Variants in KAZN observed in about 807,000 individuals in gnomAD.
The protein encoded by KAZN is kazrin.
Under a neutral mutation model 87.4 loss-of-function variants are expected in KAZN, and 40 were observed. The ratio of observed to expected loss-of-function variants is 0.46; its 90% CI spans 0.36 to 0.60. The LOEUF is 0.60. KAZN is among the 20% of genes least tolerant of loss of function. KAZN has a pLI of 0.00. For synonymous variants in KAZN, 466 were observed against 458.3 expected (o/e 1.02, Z -0.22); for missense variants, 898 against 1,073.9 (o/e 0.84, Z 2.29).
intron 2 of KAZN, among the ~76,000 whole-genome samples, chr1:14,526,318 A>T (rs917573904): frequency 6.6e-6 from 1 of 152,190 alleles, no homozygotes; most frequent in Non-Finnish European, 1.5e-5. Context: ...CTCCCTTTGC[A>T]GCAGAGTCTG....
At chr1:15,028,354 T>C (rs553175389) in intron 2 of KAZN, among the ~76,000 whole-genome samples, 1 of 152,160 alleles carries the variant, frequency 6.6e-6, no homozygotes, top group Non-Finnish European at 1.5e-5. Flanking sequence ...GGCCAGATGA[T>C]TGGGAAGTCA....
intron 1 of KAZN, among the ~76,000 whole-genome samples, chr1:14,705,402 C>T (rs10927510): frequency 0.66 from 100,513 of 152,044 alleles, 33,436 homozygotes; most frequent in East Asian, 0.74. Flanking sequence ...CTAGAACCAC[C>T]GTATGATCCA....
chr1:13,973,140 T>C (rs1642193625), intron 1 of KAZN, among the ~76,000 whole-genome samples: 1 of 152,088 alleles, frequency 6.6e-6, no homozygotes, highest in South Asian at 2.1e-4. Flanking sequence ...ATTATCAACA[T>C]CTATAAAACA....
intron 1 of KAZN, among the ~76,000 whole-genome samples, chr1:14,084,891 C>T (rs189269394): frequency 2.1e-4 from 32 of 151,900 alleles, no homozygotes; most frequent in Non-Finnish European, 2.9e-4. Flanking sequence ...AAAAAAAGTA[C>T]GTGTGTGTGT....
chr1:14,601,870 G>A (rs951209199), intron 1 of KAZN, among the ~76,000 whole-genome samples: 5 of 152,178 alleles, frequency 3.3e-5, no homozygotes, highest in African/African-American at 7.2e-5. Flanking sequence ...ATCTTTTAAC[G>A]AAAGGGCATT....
intron 2 of KAZN, among the ~76,000 whole-genome samples, chr1:14,254,341 A>T (rs2100625527): frequency 6.6e-6 from 1 of 152,326 alleles, no homozygotes; most frequent in African/African-American, 2.4e-5. Flanking sequence ...AAACTCAGAG[A>T]GAAGCTCCCT....
chr1:14,733,822 A>T (rs1643793222), intron 1 of KAZN, among the ~76,000 whole-genome samples: 1 of 151,480 alleles, frequency 6.6e-6, no homozygotes, highest in South Asian at 2.1e-4. Flanking sequence ...TGAAGAGGAA[A>T]CTCCACTTTT....
chr1:14,151,935 TAAC>T (rs1489215347), intron 1 of KAZN, among the ~76,000 whole-genome samples: 1 of 152,218 alleles, frequency 6.6e-6, no homozygotes, highest in Non-Finnish European at 1.5e-5. Flanking sequence ...GATGATAAAA[TAAC>T]AAGAAAAGAG....
In KAZN at chr1:14,764,392, C is replaced by G. The variant is rs965347150; in HGVS notation, c.226+165169C>G. Among the ~76,000 whole-genome samples, 5 of 148,010 alleles carry G rather than the reference C, an allele frequency of 3.4e-5. No individual in the cohort carries two copies. In the South Asian group the frequency reaches 1.1e-3, roughly 33 times the overall value. On this transcript the variant is annotated intron_variant, in intron 1 of 14. Coordinates refer to ENST00000376030, the MANE Select transcript of KAZN (RefSeq NM_201628.3). Reference sequence around the variant, plus strand: ...TCCCGACCCCCTCCCCCACACCCCCCCCACAATGTGGGCATTCCTTCCCTG... The same window carrying G: ...TCCCGACCCCCTCCCCCACACCCCCGCCACAATGTGGGCATTCCTTCCCTG...
At chr1:14,149,323 G>A (rs897715912) in intron 1 of KAZN, among the ~76,000 whole-genome samples, 1 of 151,002 alleles carries the variant, frequency 6.6e-6, no homozygotes, top group South Asian at 2.1e-4. Context: ...TAGCCAGGAT[G>A]GTCTCGATCT....
chr1:14,558,604 G>A (rs1674060019), intron 2 of KAZN, among the ~76,000 whole-genome samples: 1 of 152,104 alleles, frequency 6.6e-6, no homozygotes, highest in African/African-American at 2.4e-5. Flanking sequence ...GGCTGGAAGG[G>A]GGAGTCTCAG....
At chr1:14,088,776 T>C (rs1643908140) in intron 1 of KAZN, among the ~76,000 whole-genome samples, 1 of 152,018 alleles carries the variant, frequency 6.6e-6, no homozygotes, top group Non-Finnish European at 1.5e-5. Context: ...TTCTTTTAGT[T>C]ATATCATTTA....
chr1:15,041,705 T>C (rs1432401733), intron 3 of KAZN, among the ~76,000 whole-genome samples: 1 of 152,060 alleles, frequency 6.6e-6, no homozygotes, highest in East Asian at 1.9e-4. Context: ...CTCCCAGGCC[T>C]GTCATCCAAG....
At chr1:14,672,000 G>A (rs995539862) in intron 1 of KAZN, among the ~76,000 whole-genome samples, 1 of 152,114 alleles carries the variant, frequency 6.6e-6, no homozygotes, top group African/African-American at 2.4e-5. Flanking sequence ...ATTATTGTTG[G>A]CCTTTCATTA....
At chr1:15,002,837 A>G (rs1668626272) in intron 2 of KAZN, among the ~76,000 whole-genome samples, 1 of 151,924 alleles carries the variant, frequency 6.6e-6, no homozygotes, top group Admixed American at 6.6e-5. Context: ...TTAGCCTGGT[A>G]TGGTGGTGGG....
intron 1 of KAZN, among the ~76,000 whole-genome samples, chr1:14,643,830 T>C (rs961869023): frequency 3.3e-5 from 5 of 152,114 alleles, no homozygotes; most frequent in African/African-American, 1.2e-4. Flanking sequence ...TCAGCATCTG[T>C]TATATTTTTA....
intron 2 of KAZN, among the ~76,000 whole-genome samples, chr1:14,540,420 G>T (rs1173353173): frequency 6.6e-6 from 1 of 152,186 alleles, no homozygotes; most frequent in Admixed American, 6.5e-5. Context: ...TGCCTCCCTT[G>T]TTTATGGACT....
At chr1:14,137,730 CAG>C (rs1645141171) in intron 1 of KAZN, among the ~76,000 whole-genome samples, 1 of 85,648 alleles carries the variant, frequency 1.2e-5, no homozygotes, top group African/African-American at 4.7e-5. Context: ...TTTTTTGAGA[CAG>C]AGTTTTGCTC....
chr1:14,455,226 A>T (rs1313898902), intron 2 of KAZN, among the ~76,000 whole-genome samples: 1 of 152,228 alleles, frequency 6.6e-6, no homozygotes, highest in Non-Finnish European at 1.5e-5. Context: ...ACAACCATAT[A>T]TCCATTCAGT....
Sources: allele counts gnomAD v4.1 joint callset (sites outside exome capture counted in the v4.1 genomes callset), GRCh38; gene constraint gnomAD v4.1.1; transcripts MANE v1.5; gene names NCBI Gene and HGNC (gene_info 2026-07-23, HGNC 2026-07-21).